MECOM: variants seen among roughly 807,000 people sequenced by gnomAD.
The protein encoded by MECOM is histone-lysine N-methyltransferase MECOM.
A neutral mutation model predicts 116.3 loss-of-function variants in MECOM; 13 were observed. The observed-to-expected ratio is 0.11, with a 90% CI of 0.07 to 0.18. The LOEUF is 0.18. Ranked by LOEUF, MECOM falls within the 10% of genes least tolerant of loss-of-function variation. The probability of loss-of-function intolerance (pLI) is 1.00; values close to 1 mark genes in which losing one functional copy is unlikely to be tolerated. For missense variants in MECOM, 1,299 were observed against 1,509.0 expected, an observed-to-expected ratio of 0.86 and a Z score of 2.31; for synonymous variants, 528 against 535.2, an observed-to-expected ratio of 0.99 and a Z score of 0.19.
intron 2 of MECOM, among the ~76,000 whole-genome samples, chr3:169,360,585 C>T (rs1391550488): frequency 1.3e-5 from 2 of 151,800 alleles, no homozygotes; most frequent in East Asian, 3.9e-4. Context: ...ATCTGAAATA[C>T]TTCCATACAC....
intron 2 of MECOM, among the ~76,000 whole-genome samples, chr3:169,244,812 A>G (rs784281): frequency 0.092 from 14,060 of 152,264 alleles, 752 homozygotes; most frequent in African/African-American, 0.14. Flanking sequence ...GATTTCAGAG[A>G]GATCAACAAG....
chr3:169,095,317 A>AACTAG, intron 12 of MECOM, 72 bp from the exon 13 acceptor site: 2 of 1,259,198 alleles, frequency 1.6e-6, no homozygotes, highest in Non-Finnish European at 2.2e-6. Flanking sequence ...TTAGCCAGCT[A>AACTAG]TCAAAAATCA....
intron 1 of MECOM, 86 bp from the exon 2 acceptor site, chr3:169,381,610 T>C: frequency 7.9e-6 from 8 of 1,014,164 alleles, no homozygotes; most frequent in Non-Finnish European, 1.1e-5. Flanking sequence ...TATGTTGTTC[T>C]TTGAAGGATA....
intron 1 of MECOM, among the ~76,000 whole-genome samples, chr3:169,531,290 T>C (rs1197106245): frequency 6.6e-6 from 1 of 152,204 alleles, no homozygotes; most frequent in Non-Finnish European, 1.5e-5. Flanking sequence ...TTCATGAGGC[T>C]CCTGATCTCT....
intron 2 of MECOM, chr3:169,147,406 C>T (rs1473130716): frequency 2.0e-6 from 2 of 985,324 alleles, no homozygotes; most frequent in East Asian, 1.1e-4. Flanking sequence ...AGGATCTGCT[C>T]GGCCATCCAG....
chr3:169,246,127 A>G (rs1238772708), intron 2 of MECOM, among the ~76,000 whole-genome samples: 1 of 152,220 alleles, frequency 6.6e-6, no homozygotes, highest in Admixed American at 6.5e-5. Context: ...CCTAATTAGA[A>G]AACAAAAATT....
intron 1 of MECOM, among the ~76,000 whole-genome samples, chr3:169,550,222 A>G (rs1761208989): frequency 6.6e-6 from 1 of 152,234 alleles, no homozygotes; most frequent in African/African-American, 2.4e-5. Context: ...GAGCAAATGC[A>G]AAGTTATGTC....
intron 1 of MECOM, among the ~76,000 whole-genome samples, chr3:169,382,871 A>T (rs1270238476): frequency 3.2e-5 from 2 of 62,968 alleles, no homozygotes; most frequent in African/African-American, 9.1e-5. Flanking sequence ...AAAATAAAAA[A>T]AATAAAAAAA....
chr3:169,105,089 A>T (rs1724915508), intron 10 of MECOM, among the ~76,000 whole-genome samples: 1 of 152,174 alleles, frequency 6.6e-6, no homozygotes, highest in Non-Finnish European at 1.5e-5. Context: ...ATTAACACAC[A>T]TACACACGTA....
chr3:169,335,505 T>C (rs1723451406), intron 2 of MECOM, among the ~76,000 whole-genome samples: 2 of 152,116 alleles, frequency 1.3e-5, no homozygotes, highest in African/African-American at 4.8e-5. Flanking sequence ...GAAGAACTTT[T>C]ACGAAATGGG....
At chr3:169,617,952 ACCTTGGCT>A (rs1770226590) in intron 1 of MECOM, among the ~76,000 whole-genome samples, 1 of 152,030 alleles carries the variant, frequency 6.6e-6, no homozygotes, top group South Asian at 2.1e-4. Flanking sequence ...ATTCTTCATA[ACCTTGGCT>A]CCTCAACCCT....
At chr3:169,309,375 T>C (rs1426332895) in intron 2 of MECOM, among the ~76,000 whole-genome samples, 2 of 152,196 alleles carry the variant, frequency 1.3e-5, no homozygotes, top group Admixed American at 6.5e-5. Flanking sequence ...AATAAACTCA[T>C]TCAAGATATA....
chr3:169,400,420 TG>T (rs1735691236), intron 1 of MECOM, among the ~76,000 whole-genome samples: 2 of 152,320 alleles, frequency 1.3e-5, no homozygotes, highest in South Asian at 4.1e-4. Flanking sequence ...TAAACAAATT[TG>T]GCTTGGCTGC....
At chr3:169,552,206 G>T (rs75828709) in intron 1 of MECOM, among the ~76,000 whole-genome samples, 10,740 of 116,246 alleles carry the variant, frequency 0.092, 944 homozygotes, top group African/African-American at 0.22. Flanking sequence ...ACAATAAAAA[G>T]AAATTTGAGA....
chr3:169,417,338 C>A (rs952189321), intron 1 of MECOM, among the ~76,000 whole-genome samples: 32 of 150,622 alleles, frequency 2.1e-4, no homozygotes, highest in Admixed American at 8.0e-4. Flanking sequence ...ATTTATGCAG[C>A]CAAAAAACAC....
In MECOM at chr3:169,381,431, T is replaced by G. The variant is rs762237413; in HGVS notation, c.131A>C (p.Gln44Pro). Residue 44 changes from glutamine to proline, a missense_variant, in exon 2 of 17, where the codon CAA (glutamine) becomes CCA (proline). Physicochemically the swap from Gln to Pro is moderately conservative, Grantham distance 76. Around this residue, in one of 6 missense-constraint regions of MECOM, gnomAD observed 374 missense variants for 433.4 expected, o/e 0.86. Coordinates refer to ENST00000651503, the MANE Select transcript of MECOM (RefSeq NM_004991.4). ...GGATGTGGCAGGAGAGCATGGCTCT[T>G]GAATATTGAGGGAGGGAGTGCTGGC... Reference protein sequence around the residue: ...GVASTPSLNIQEPCSPATSSE... With the variant: ...GVASTPSLNIPEPCSPATSSE... The G allele has an allele frequency of 6.2e-7, 1 of 1,613,688 alleles. No homozygotes were observed. The highest frequency in any genetic ancestry group is 1.3e-5 in the African/African-American group (1 of 74,940).
At chr3:169,494,245 T>C (rs1448437346) in intron 1 of MECOM, among the ~76,000 whole-genome samples, 1 of 152,036 alleles carries the variant, frequency 6.6e-6, no homozygotes, top group Non-Finnish European at 1.5e-5. Flanking sequence ...TCTTGTGATT[T>C]TTACTGATAA....
At chr3:169,573,348 T>G (rs555156807) in intron 1 of MECOM, among the ~76,000 whole-genome samples, 12 of 152,294 alleles carry the variant, frequency 7.9e-5, no homozygotes, top group Admixed American at 6.5e-4. Context: ...AGCCCCCTTG[T>G]GGAAGTATAT....
chr3:169,274,520 T>C (rs971457422), intron 2 of MECOM, among the ~76,000 whole-genome samples: 2 of 152,032 alleles, frequency 1.3e-5, no homozygotes, highest in African/African-American at 4.8e-5. Flanking sequence ...CCCTGGAGAA[T>C]AGGGTTTGAA....
Sources: allele counts gnomAD v4.1 joint callset (sites outside exome capture counted in the v4.1 genomes callset), GRCh38; gene constraint gnomAD v4.1.1; regional missense constraint gnomAD v4.1.1; transcripts MANE v1.5; gene names NCBI Gene and HGNC (gene_info 2026-07-23, HGNC 2026-07-21).